DOCK3: variants seen among roughly 807,000 people sequenced by gnomAD.
DOCK3 encodes dedicator of cytokinesis 3, also known as dedicator of cytokinesis protein 3.
A neutral mutation model predicts 265.6 loss-of-function variants in DOCK3; 60 were observed. That is an observed-to-expected ratio of 0.23 (90% CI 0.18 to 0.28). The LOEUF (loss-of-function observed/expected upper bound fraction) is 0.28. Among genes scored for constraint, DOCK3 ranks in the 10% least tolerant of loss-of-function variants. The pLI is 1.00. For missense variants in DOCK3, 1,981 were observed against 2,594.3 expected, an observed-to-expected ratio of 0.76 and a Z score of 5.14; for synonymous variants, 881 against 938.0, an observed-to-expected ratio of 0.94 and a Z score of 1.11.
intron 1 of DOCK3, among the ~76,000 whole-genome samples, chr3:50,704,724 C>T (rs2036276040): frequency 6.6e-6 from 1 of 150,626 alleles, no homozygotes; most frequent in South Asian, 2.1e-4. Context: ...TTCCTGGGTT[C>T]AGGCTATTCT....
At chr3:50,971,160 A>G (rs1213166338) in intron 5 of DOCK3, among the ~76,000 whole-genome samples, 2 of 150,520 alleles carry the variant, frequency 1.3e-5, no homozygotes, top group East Asian at 2.0e-4. Context: ...CAGTTTTGAA[A>G]TCTTTATCTG....
rs2082979842 is a variant in DOCK3 at position 51,310,143 on chromosome 3, G to A, written c.2923-89G>A. The A allele has an allele frequency of 3.0e-6, 3 of 988,886 alleles. No individual in the cohort carries two copies. The South Asian group carries it at 4.2e-5, about 14-fold the overall frequency. 61.3% of individuals were successfully genotyped at this position (988,886 alleles called of 1,614,324 possible). A position where few individuals can be genotyped will look rare whatever the true frequency, so the allele number is the denominator to read the frequency against. On this transcript the variant is annotated intron_variant, in intron 27 of 52. Transcript: ENST00000266037. Reference sequence around the variant, plus strand: ...ATCTAACTCACTGGTCCCACCCATTGTCATGATCTAGTGGCGGCCAGGAGT... The same window carrying A: ...ATCTAACTCACTGGTCCCACCCATTATCATGATCTAGTGGCGGCCAGGAGT...
chr3:51,091,241 G>A (rs1012031409), intron 9 of DOCK3, among the ~76,000 whole-genome samples: 4 of 152,154 alleles, frequency 2.6e-5, no homozygotes, highest in African/African-American at 7.2e-5. Context: ...GGGCTGTGTG[G>A]ATATAGATTC....
chr3:50,854,592 G>GTTTTTTTTTTTT (rs71084118), intron 3 of DOCK3, among the ~76,000 whole-genome samples: 4,053 of 47,110 alleles, frequency 0.086, 1,466 homozygotes, highest in Non-Finnish European at 0.1. Flanking sequence ...CATCACACCA[G>GTTTTTTTTTTTT]TTTTTTTTTT....
rs867473355 is a variant in DOCK3 at position 51,307,928 on chromosome 3, A to C, written c.2923-2304A>C. ...TCTCCAACAAATGCCTTGGGTATAGAGTTTTCCTCACTGAGTGAGCTCTGA... is the reference window on the plus strand; with the variant it reads ...TCTCCAACAAATGCCTTGGGTATAGCGTTTTCCTCACTGAGTGAGCTCTGA... On this transcript the variant is annotated intron_variant, in intron 27 of 52. Transcript: ENST00000266037. Among the ~76,000 whole-genome samples the C allele has an allele frequency of 4.9e-4, 61 of 124,102 alleles. 1 individual carries two copies. The highest frequency in any genetic ancestry group is 3.1e-3 in the Admixed American group (35 of 11,428). 81.4% of individuals were successfully genotyped at this position (124,102 alleles called of 152,430 possible). A position where few individuals can be genotyped will look rare whatever the true frequency, so the allele number is the denominator to read the frequency against.
At chr3:51,304,446 C>G (rs1274080531) in intron 27 of DOCK3, among the ~76,000 whole-genome samples, 1 of 152,060 alleles carries the variant, frequency 6.6e-6, no homozygotes, top group Non-Finnish European at 1.5e-5. Context: ...CTCCCCTCCC[C>G]CTCCTCCCCT....
chr3:51,208,340 C>A (rs1433218424), intron 12 of DOCK3, among the ~76,000 whole-genome samples: 1 of 152,162 alleles, frequency 6.6e-6, no homozygotes, highest in African/African-American at 2.4e-5. Context: ...TCCATTGGGG[C>A]CAGTCATAAT....
intron 2 of DOCK3, among the ~76,000 whole-genome samples, chr3:50,839,693 TCTCCC>T (rs1287171795): frequency 9.2e-6 from 1 of 108,232 alleles, no homozygotes; most frequent in African/African-American, 3.2e-5. Context: ...TGGGCTGTTT[TCTCCC>T]CTCCCCTCCC....
chr3:51,344,961 G>A (rs1414508796), intron 38 of DOCK3, among the ~76,000 whole-genome samples: 1 of 152,222 alleles, frequency 6.6e-6, no homozygotes, highest in Non-Finnish European at 1.5e-5. Context: ...AGATAGATGA[G>A]CATTGATCCC....
chr3:51,292,197 A>T (rs1358261524), intron 27 of DOCK3, among the ~76,000 whole-genome samples: 1 of 152,180 alleles, frequency 6.6e-6, no homozygotes, highest in Non-Finnish European at 1.5e-5. Flanking sequence ...AGGGATGCCC[A>T]CTCTGACTAC....
chr3:50,969,403 G>T (rs1391431930), intron 5 of DOCK3, among the ~76,000 whole-genome samples: 2 of 151,964 alleles, frequency 1.3e-5, no homozygotes, highest in Non-Finnish European at 2.9e-5. Flanking sequence ...AGCAGTATAT[G>T]GTTGGATCCT....
chr3:51,240,864 G>A (rs2078582419), intron 21 of DOCK3, among the ~76,000 whole-genome samples: 3 of 152,130 alleles, frequency 2.0e-5, no homozygotes, highest in African/African-American at 7.2e-5. Context: ...GCTTATGAAT[G>A]GGTCTTGGTT....
chr3:51,005,995 T>A (rs2078663480), intron 5 of DOCK3, among the ~76,000 whole-genome samples: 1 of 152,228 alleles, frequency 6.6e-6, no homozygotes, highest in Non-Finnish European at 1.5e-5. Flanking sequence ...CTTTCTCTTC[T>A]GCCCCTTTCT....
rs112730203 is a variant in DOCK3, at chr3:51,194,195, A to G, written c.1038-14579A>G. 3.0e-3 allele frequency among the ~76,000 whole-genome samples: 455 copies of G among 151,956 alleles called. 3 individuals carry two copies. The highest frequency in any genetic ancestry group is 0.01 in the African/African-American group (433 of 41,460). Reference sequence around the variant, plus strand: ...TTTAGGAGTATGTTGTTTAATTTCTATGTATTTATGTAGTTTCCAAAGTTC... The same window carrying G: ...TTTAGGAGTATGTTGTTTAATTTCTGTGTATTTATGTAGTTTCCAAAGTTC... On this transcript the variant is annotated intron_variant, in intron 12 of 52. Transcript: ENST00000266037.
At chr3:50,955,027 A>T (rs2076691889) in intron 5 of DOCK3, among the ~76,000 whole-genome samples, 1 of 152,156 alleles carries the variant, frequency 6.6e-6, no homozygotes, top group South Asian at 2.1e-4. Context: ...GTCCAGTTTC[A>T]ATCTTCCATG....
chr3:51,243,333 GC>G, intron 21 of DOCK3, among the ~76,000 whole-genome samples: 1 of 152,072 alleles, frequency 6.6e-6, no homozygotes, highest in East Asian at 1.9e-4. Context: ...CTCTCCTTCT[GC>G]CAGGGTTCCA....
intron 6 of DOCK3, among the ~76,000 whole-genome samples, chr3:51,071,080 A>G (rs537101783): frequency 4.6e-5 from 7 of 152,304 alleles, no homozygotes; most frequent in African/African-American, 9.6e-5. Flanking sequence ...ATTATTTTCT[A>G]TATTCTGTGG....
At chr3:51,055,016 G>T (rs1435889809) in intron 5 of DOCK3, among the ~76,000 whole-genome samples, 1 of 152,098 alleles carries the variant, frequency 6.6e-6, no homozygotes, top group African/African-American at 2.4e-5. Context: ...TAAGAATGAG[G>T]CATTAAAATG....
chr3:50,848,503 G>C (rs899267082), intron 3 of DOCK3, among the ~76,000 whole-genome samples: 3 of 152,130 alleles, frequency 2.0e-5, no homozygotes, highest in Non-Finnish European at 4.4e-5. Flanking sequence ...AATTTCCTTA[G>C]TGCGTGCTTG....
Sources: gnomAD v4.1 joint callset for allele counts (sites outside exome capture counted in the v4.1 genomes callset) on GRCh38, gnomAD v4.1.1 for gene constraint, MANE v1.5 for transcripts, NCBI Gene and HGNC (gene_info 2026-07-23, HGNC 2026-07-21) for gene names.